Variants in XRCC5 observed in about 807,000 individuals in gnomAD.
XRCC5 encodes the protein X-ray repair cross complementing 5, also known as DNA repair protein Ku80.
Under a neutral mutation model 95.7 loss-of-function variants are expected in XRCC5, and 12 were observed. The observed-to-expected ratio is 0.13, with a 90% CI of 0.08 to 0.20. The LOEUF is 0.20. XRCC5 is among the 10% of genes least tolerant of loss of function. The probability of loss-of-function intolerance (pLI) is 1.00; values close to 1 mark genes in which losing one functional copy is unlikely to be tolerated. For missense variants in XRCC5, 595 were observed against 873.9 expected (o/e 0.68, Z 4.02); for synonymous variants, 281 against 290.3 (o/e 0.97, Z 0.33).
chr2:216,202,640 A>G (rs1458065001), intron 19 of XRCC5, among the ~76,000 whole-genome samples: 1 of 152,178 alleles, frequency 6.6e-6, no homozygotes, highest in African/African-American at 2.4e-5. Flanking sequence ...CACATGGCCC[A>G]GTTTAGGGTC....
intron 16 of XRCC5, among the ~76,000 whole-genome samples, chr2:216,177,649 G>C (rs1326948387): frequency 1.3e-5 from 2 of 152,074 alleles, no homozygotes; most frequent in Non-Finnish European, 2.9e-5. Flanking sequence ...AGTGGCAGCA[G>C]GTATATCAAG....
intron 18 of XRCC5, among the ~76,000 whole-genome samples, chr2:216,193,902 G>C (rs921587668): frequency 6.6e-6 from 1 of 152,230 alleles, no homozygotes; most frequent in Non-Finnish European, 1.5e-5. Context: ...AAACTAAAGA[G>C]TAGATTTTCT....
Position 216,171,391 on chromosome 2 carries a change from C to T in XRCC5, c.1834+9343C>T, listed in dbSNP as rs1323837110. On this transcript the variant is annotated intron_variant, in intron 16 of 20. Transcript: ENST00000392132. ...AAGGGAGTTTAATTCCTTTATAGAACAGTTTCAGCAGGGCTGGAGAATATT... is the reference window on the plus strand; with the variant it reads ...AAGGGAGTTTAATTCCTTTATAGAATAGTTTCAGCAGGGCTGGAGAATATT... Among the ~76,000 whole-genome samples the T allele has an allele frequency of 5.3e-5, 8 of 152,222 alleles. No homozygotes were observed. The East Asian group carries it at 1.3e-3, about 26-fold the overall frequency.
chr2:216,172,589 C>G (rs1689189180), intron 16 of XRCC5, among the ~76,000 whole-genome samples: 1 of 151,576 alleles, frequency 6.6e-6, no homozygotes, highest in Non-Finnish European at 1.5e-5. Context: ...GTGCCTCAGC[C>G]TCCTGAGTAG....
chr2:216,200,247 G>A (rs958516132), intron 19 of XRCC5, among the ~76,000 whole-genome samples: 2 of 152,112 alleles, frequency 1.3e-5, no homozygotes, highest in African/African-American at 4.8e-5. Flanking sequence ...CCTTTTTCAA[G>A]AGTACATCTG....
intron 8 of XRCC5, 60 bp downstream of exon 8, chr2:216,127,734 G>T (rs1431136474): frequency 6.7e-7 from 1 of 1,491,352 alleles, no homozygotes; most frequent in African/African-American, 1.4e-5. Context: ...ATGATGTGAT[G>T]CAGGCTGGGG....
chr2:216,160,424 A>G (rs1345824725), intron 15 of XRCC5, among the ~76,000 whole-genome samples: 1 of 152,132 alleles, frequency 6.6e-6, no homozygotes, highest in Non-Finnish European at 1.5e-5. Flanking sequence ...CAGTGTTGAG[A>G]TTTTGCTGTT....
In XRCC5 at chr2:216,113,042, G is replaced by A; in HGVS notation, c.48G>A (p.Val16=). The A allele has an allele frequency of 6.2e-7, 1 of 1,614,056 alleles. No individual in the cohort carries two copies. Among genetic ancestry groups the A allele is most frequent in the Non-Finnish European group, 8.5e-7 (1 of 1,179,982 alleles). The change falls in exon 2 of 21, where the codon GTG becomes GTA. Residue 16 remains valine (V), a synonymous_variant. Coordinates refer to ENST00000392132, the MANE Select transcript of XRCC5 (RefSeq NM_021141.4). The part of the protein sequence containing the change: ...NKAAVVLCMD[V]GFTMSNSIPG... ...CAGCTGTTGTGCTGTGTATGGACGT[G>A]GGCTTTACCATGAGTAACTCCATTC...
At chr2:216,139,410 G>A (rs999189449) in intron 12 of XRCC5, among the ~76,000 whole-genome samples, 10 of 152,208 alleles carry the variant, frequency 6.6e-5, no homozygotes, top group East Asian at 3.9e-4. Context: ...AGAAGCAAAA[G>A]TAGAAACCCC....
intron 14 of XRCC5, among the ~76,000 whole-genome samples, chr2:216,157,772 AAG>A (rs1272280904): frequency 6.6e-6 from 1 of 152,198 alleles, no homozygotes; most frequent in Non-Finnish European, 1.5e-5. Flanking sequence ...AGAAAGGAGA[AAG>A]AACAAATTAC....
At chr2:216,141,102 CCGTGGATATCTCTA>C (rs765183214) in intron 12 of XRCC5, 70 bp from the exon 13 acceptor site, 1 of 1,523,590 alleles carries the variant, frequency 6.6e-7, no homozygotes, top group Non-Finnish European at 9.0e-7. Context: ...GCCAATATTG[CCGTGGATATCTCTA>C]CGTAGAAAGC....
At chr2:216,193,627 T>C (rs41296753) in intron 18 of XRCC5, among the ~76,000 whole-genome samples, 164 of 152,218 alleles carry the variant, frequency 1.1e-3, no homozygotes, top group Non-Finnish European at 1.9e-3. Context: ...GGGGGCTTAC[T>C]CAAATCACTT....
At chr2:216,165,171 T>C (rs568788979) in intron 16 of XRCC5, among the ~76,000 whole-genome samples, 2 of 152,354 alleles carry the variant, frequency 1.3e-5, no homozygotes, top group South Asian at 4.1e-4. Flanking sequence ...CCATATTGTT[T>C]CTTTTGATTC....
intron 6 of XRCC5, among the ~76,000 whole-genome samples, chr2:216,123,513 A>G (rs1696852443): frequency 6.6e-6 from 1 of 152,204 alleles, no homozygotes; most frequent in Admixed American, 6.5e-5. Flanking sequence ...TGATATCACA[A>G]AGAAAAATTA....
Position 216,122,319 on chromosome 2 carries a change from G to A in XRCC5, c.683+66G>A, listed in dbSNP as rs1002973472. On this transcript the variant is annotated intron_variant, in intron 6 of 20. Transcript: ENST00000392132. ...CACGTAAATTTCTCTTTTGATTAGA[G>A]GTCTCCCAAATGTTTCCTTTTTCTG... 14 of 1,456,752 alleles carry A rather than the reference G, an allele frequency of 9.6e-6. No homozygotes were observed. The Admixed American group carries it at 2.0e-4, about 21-fold the overall frequency. 90.2% of individuals were successfully genotyped at this position (1,456,752 alleles called of 1,614,324 possible). A position where few individuals can be genotyped will look rare whatever the true frequency, so the allele number is the denominator to read the frequency against.
chr2:216,199,808 A>ATTTTTTTTTTTTTTTTTTTTTT lies in XRCC5; in HGVS notation c.2110-4513_2110-4512insTTTTTTTTTTTTTTTTTTTTTT, dbSNP rs879564899. Among the ~76,000 whole-genome samples, 3 of 121,890 alleles carry ATTTTTTTTTTTTTTTTTTTTTT rather than the reference A, an allele frequency of 2.5e-5. 1 individual carries two copies. Among genetic ancestry groups the ATTTTTTTTTTTTTTTTTTTTTT allele is most frequent in the Non-Finnish European group, 1.6e-5 (1 of 60,924 alleles). The allele number at this position is 121,890 out of a possible 152,430, so 80.0% of individuals were successfully genotyped here. On this transcript the variant is annotated intron_variant, in intron 19 of 20. Transcript: ENST00000392132. ...GAGGATTTATCCCCATGGCATTGGG[A>ATTTTTTTTTTTTTTTTTTTTTT]TCTTTTTTTTTTTTTTTTTTTTTTT...
At chr2:216,156,858 G>A (rs1032593612) in intron 14 of XRCC5, 19 of 365,678 alleles carry the variant, frequency 5.2e-5, no homozygotes, top group African/African-American at 3.0e-4. Flanking sequence ...AGTGGGTGCC[G>A]CAAATGCTGG....
At chr2:216,152,003 A>G (rs1162130267) in intron 14 of XRCC5, among the ~76,000 whole-genome samples, 1 of 152,190 alleles carries the variant, frequency 6.6e-6, no homozygotes, top group Non-Finnish European at 1.5e-5. Flanking sequence ...ATATCAGCAC[A>G]GAAGAAACTA....
At chr2:216,141,465 C>T (rs942966921) in intron 13 of XRCC5, 146 bp downstream of exon 13, 26 of 637,596 alleles carry the variant, frequency 4.1e-5, no homozygotes, top group Non-Finnish European at 5.8e-5. Flanking sequence ...TAACATCTTC[C>T]TCTCCTACTT....
Sources: allele counts gnomAD v4.1 joint callset (sites outside exome capture counted in the v4.1 genomes callset), GRCh38; gene constraint gnomAD v4.1.1; transcripts MANE v1.5; gene names NCBI Gene and HGNC (gene_info 2026-07-23, HGNC 2026-07-21).